The following LAMP3 variants were observed in gnomAD, a reference collection of about 807,000 sequenced individuals.
LAMP3 encodes the protein lysosome-associated membrane glycoprotein 3.
Under a neutral mutation model 34.8 loss-of-function variants are expected in LAMP3, and 26 were observed. The ratio of observed to expected loss-of-function variants is 0.75; its 90% CI spans 0.55 to 1.04. The LOEUF (loss-of-function observed/expected upper bound fraction) is 1.04, where lower values mean the gene tolerates loss of function less well. Among genes scored for constraint, LAMP3 ranks in the 50% least tolerant of loss-of-function variants. The probability of loss-of-function intolerance (pLI) is 0.00; values close to 1 mark genes in which losing one functional copy is unlikely to be tolerated. For missense variants in LAMP3, 495 were observed against 524.0 expected (o/e 0.94, Z 0.54); for synonymous variants, 180 against 201.9 (o/e 0.89, Z 0.92).
intron 1 of LAMP3, among the ~76,000 whole-genome samples, chr3:183,157,775 G>T (rs1384486824): frequency 6.6e-6 from 1 of 152,012 alleles, no homozygotes; most frequent in Non-Finnish European, 1.5e-5. Context: ...TCCTCAAGAT[G>T]CAACTAGAAC....
intron 3 of LAMP3, among the ~76,000 whole-genome samples, chr3:183,150,038 A>G (rs1318613799): frequency 1.3e-5 from 2 of 152,212 alleles, no homozygotes; most frequent in Non-Finnish European, 2.9e-5. Flanking sequence ...AATAAGGAAC[A>G]TGTGGCTGGT....
At position 183,124,054 on chromosome 3, in the gene LAMP3, A is replaced by G. The variant is rs747694807; in HGVS notation, c.*27T>C. On this transcript the variant is annotated 3_prime_UTR_variant, in exon 6 of 6. Coordinates refer to ENST00000265598, the MANE Select transcript of LAMP3 (RefSeq NM_014398.4). ...GGGATGAAAGAGTTCTCTAAATTCC[A>G]TTATTTTCATTCCCCCCGGGCAACA... 1 of 1,613,590 alleles carries G rather than the reference A, an allele frequency of 6.2e-7. No individual in the cohort carries two copies. The highest frequency in any genetic ancestry group is 8.5e-7 in the Non-Finnish European group (1 of 1,179,616).
chr3:183,126,563 T>TGC lies in LAMP3; in HGVS notation c.1118-2351_1118-2350dup, dbSNP rs1553873884. On this transcript the variant is annotated intron_variant, in intron 5 of 5. Coordinates refer to ENST00000265598, the MANE Select transcript of LAMP3 (RefSeq NM_014398.4). ...GTGTGTGTGTGTGTGTGTGTGTGTG[T>TGC]GCACACGTGTGCATGTGTGCAAACT... Among the ~76,000 whole-genome samples the TGC allele has an allele frequency of 2.8e-3, 417 of 149,160 alleles. 4 individuals are homozygous for TGC. The highest frequency in any genetic ancestry group is 9.7e-3 in the African/African-American group (386 of 39,658).
At chr3:183,125,883 C>T (rs931498721) in intron 5 of LAMP3, among the ~76,000 whole-genome samples, 1 of 152,130 alleles carries the variant, frequency 6.6e-6, no homozygotes, top group African/African-American at 2.4e-5. Flanking sequence ...CTATGTGGCC[C>T]AGGCTGGTTT....
Position 183,152,497 on chromosome 3 carries a change from A to G in LAMP3, c.766T>C (p.Ser256Pro), listed in dbSNP as rs868465534. ...TCGATGTTGAAGTATCTCCGAGGTG[A>G]AAAAACCTAAATCAAGTTAGATAGA... is the stretch of plus-strand genomic sequence containing the variant. Reference protein sequence around the residue: ...LIVQDKESVFSPRRYFNIDPN... With the variant: ...LIVQDKESVFPPRRYFNIDPN... The change falls in exon 3 of 6, where the codon TCA becomes CCA. Residue 256 changes from serine (S) to proline (P), a missense_variant. Coordinates refer to ENST00000265598, the MANE Select transcript of LAMP3 (RefSeq NM_014398.4). 6.2e-7 allele frequency: 1 copy of G among 1,609,430 alleles called. No homozygotes were observed. Among genetic ancestry groups the G allele is most frequent in the South Asian group, 1.1e-5 (1 of 90,374 alleles).
chr3:183,132,947 C>T (rs1481998017), intron 5 of LAMP3: 2 of 985,232 alleles, frequency 2.0e-6, no homozygotes, highest in African/African-American at 3.5e-5. Flanking sequence ...GTCACTGAAG[C>T]ATTCATCCGC....
intron 5 of LAMP3, among the ~76,000 whole-genome samples, chr3:183,131,114 C>G (rs995206008): frequency 3.3e-5 from 5 of 152,132 alleles, no homozygotes; most frequent in African/African-American, 1.2e-4. Flanking sequence ...ATAATCAGTA[C>G]TGGGGTCGGG....
At chr3:183,142,252 G>A (rs553228771) in intron 3 of LAMP3, among the ~76,000 whole-genome samples, 6 of 152,202 alleles carry the variant, frequency 3.9e-5, no homozygotes, top group South Asian at 2.1e-4. Flanking sequence ...GGCAAAGAGC[G>A]TCCATCGAAG....
chr3:183,125,814 A>T (rs1447103928), intron 5 of LAMP3, among the ~76,000 whole-genome samples: 2 of 151,982 alleles, frequency 1.3e-5, no homozygotes, highest in African/African-American at 4.8e-5. Flanking sequence ...TCCTCTTGGG[A>T]CTAGGGGTGT....
chr3:183,140,911 A>G (rs895003598), intron 3 of LAMP3, among the ~76,000 whole-genome samples: 2 of 152,182 alleles, frequency 1.3e-5, no homozygotes, highest in Admixed American at 6.5e-5. Context: ...TTAAAATGCA[A>G]GTCCATTGGG....
chr3:183,148,278 T>A, intron 3 of LAMP3, among the ~76,000 whole-genome samples: 1 of 152,124 alleles, frequency 6.6e-6, no homozygotes, highest in Middle Eastern at 3.2e-3. Flanking sequence ...CCTTGAGTAA[T>A]ACGCCAAACC....
intron 5 of LAMP3, among the ~76,000 whole-genome samples, chr3:183,125,046 T>A (rs1470626431): frequency 6.6e-6 from 1 of 152,238 alleles, no homozygotes. Context: ...AGACTGTTTT[T>A]TCTTTATACC....
At chr3:183,132,201 T>C (rs1303263604) in intron 5 of LAMP3, 1 of 985,244 alleles carries the variant, frequency 1.0e-6, no homozygotes, top group South Asian at 4.7e-5. Flanking sequence ...TGATCTTTGA[T>C]ATGTGCTTTA....
chr3:183,150,565 C>CTTT (rs10665288), intron 3 of LAMP3, among the ~76,000 whole-genome samples: 8,475 of 85,898 alleles, frequency 0.099, 257 homozygotes, highest in Non-Finnish European at 0.13. Flanking sequence ...GCCAAAGTGA[C>CTTT]TTTTTTTTTT....
intron 3 of LAMP3, among the ~76,000 whole-genome samples, chr3:183,146,051 C>T (rs1230890960): frequency 2.6e-5 from 4 of 152,210 alleles, no homozygotes; most frequent in Admixed American, 2.6e-4. Flanking sequence ...GCTCTCATAA[C>T]ATCTATTATA....
In LAMP3 at chr3:183,154,047, A is replaced by G. The variant is rs1288533955; in HGVS notation, c.394T>C (p.Tyr132His). Reference protein sequence around the residue: ...EVTVGPSLAPYSLPPTITPPA... With the variant: ...EVTVGPSLAPHSLPPTITPPA... Reference sequence around the variant, plus strand: ...GGGGTGATGGTGGGTGGCAGTGAATAAGGGGCTAAGCTAGGGCCGACTGTA... The same window carrying G: ...GGGGTGATGGTGGGTGGCAGTGAATGAGGGGCTAAGCTAGGGCCGACTGTA... The change falls in exon 2 of 6, where the codon TAT (tyrosine) becomes CAT (histidine). Residue 132 changes from tyrosine (Y) to histidine (H), a missense_variant. Coordinates refer to ENST00000265598, the MANE Select transcript of LAMP3 (RefSeq NM_014398.4). 1 of 1,613,970 alleles carries G rather than the reference A, an allele frequency of 6.2e-7. No homozygotes were observed.
intron 4 of LAMP3, 106 bp downstream of exon 4, chr3:183,140,432 A>G: frequency 2.4e-6 from 1 of 415,634 alleles, no homozygotes; most frequent in Non-Finnish European, 4.4e-6. Flanking sequence ...AAAAAAAAAA[A>G]AAAAAAAGCA....
intron 4 of LAMP3, among the ~76,000 whole-genome samples, chr3:183,136,563 A>G (rs1315826234): frequency 6.7e-6 from 1 of 150,134 alleles, no homozygotes; most frequent in African/African-American, 2.4e-5. Flanking sequence ...AGGCAGGAGA[A>G]TCGCTTGAAC....
intron 1 of LAMP3, among the ~76,000 whole-genome samples, chr3:183,162,253 C>T (rs1721000465): frequency 6.6e-6 from 1 of 152,098 alleles, no homozygotes; most frequent in South Asian, 2.1e-4. Flanking sequence ...TGTCAGACCA[C>T]ATCTGATGCA....
Sources: gnomAD v4.1 joint callset for allele counts (sites outside exome capture counted in the v4.1 genomes callset) on GRCh38, gnomAD v4.1.1 for gene constraint, MANE v1.5 for transcripts, NCBI Gene and HGNC (gene_info 2026-07-23, HGNC 2026-07-21) for gene names.